Variants in MARCHF1 observed in about 807,000 individuals in gnomAD.
The protein encoded by MARCHF1 is membrane associated ring-CH-type finger 1.
A neutral mutation model predicts 54.2 loss-of-function variants in MARCHF1; 40 were observed. The ratio of observed to expected loss-of-function variants is 0.74; its 90% CI spans 0.57 to 0.96. The LOEUF (loss-of-function observed/expected upper bound fraction) is 0.96. MARCHF1 is among the 40% of genes least tolerant of loss of function. MARCHF1 has a pLI of 0.00. For synonymous variants in MARCHF1, 236 were observed against 236.3 expected (o/e 1.00, Z 0.01); for missense variants, 586 against 656.5 (o/e 0.89, Z 1.17).
chr4:163,616,411 A>C (rs1301302844), intron 5 of MARCHF1, among the ~76,000 whole-genome samples: 1 of 152,138 alleles, frequency 6.6e-6, no homozygotes, highest in Non-Finnish European at 1.5e-5. Flanking sequence ...TAACAGCAGT[A>C]ATAAGAATAA....
At chr4:164,215,616 C>A (rs983662774) in intron 1 of MARCHF1, among the ~76,000 whole-genome samples, 2 of 152,168 alleles carry the variant, frequency 1.3e-5, no homozygotes, top group African/African-American at 4.8e-5. Context: ...CCCTTCCCAG[C>A]ACATCCGTTC....
At chr4:164,273,345 C>G (rs529539639) in intron 1 of MARCHF1, among the ~76,000 whole-genome samples, 1 of 152,030 alleles carries the variant, frequency 6.6e-6, no homozygotes, top group Non-Finnish European at 1.5e-5. Context: ...AAGAAGAGCA[C>G]GGGGGAAACT....
chr4:163,840,084 A>AT (rs1749296423), intron 4 of MARCHF1, among the ~76,000 whole-genome samples: 1 of 152,170 alleles, frequency 6.6e-6, no homozygotes, highest in Non-Finnish European at 1.5e-5. Flanking sequence ...CTTTATGCTA[A>AT]TAAATTTGAC....
intron 1 of MARCHF1, among the ~76,000 whole-genome samples, chr4:164,325,768 A>G (rs906458971): frequency 2.6e-4 from 40 of 152,192 alleles, no homozygotes; most frequent in African/African-American, 8.9e-4. Flanking sequence ...CTCAAGAAAG[A>G]AAACCTAAAT....
intron 3 of MARCHF1, among the ~76,000 whole-genome samples, chr4:163,881,655 A>G (rs977220052): frequency 7.0e-6 from 1 of 142,824 alleles, no homozygotes; most frequent in African/African-American, 2.5e-5. Context: ...ACTAGAGCCA[A>G]TCTGGTTGGG....
intron 4 of MARCHF1, among the ~76,000 whole-genome samples, chr4:163,845,185 T>C (rs1749448483): frequency 6.6e-6 from 1 of 152,164 alleles, no homozygotes; most frequent in Non-Finnish European, 1.5e-5. Flanking sequence ...TGCCTTGATA[T>C]ATACATTTCT....
chr4:163,718,577 G>C (rs1049653001), intron 4 of MARCHF1, among the ~76,000 whole-genome samples: 1 of 152,146 alleles, frequency 6.6e-6, no homozygotes, highest in Non-Finnish European at 1.5e-5. Flanking sequence ...CATGTGTGTT[G>C]CTTTGTAATA....
At chr4:163,932,841 G>T in intron 3 of MARCHF1, 1 of 626,136 alleles carries the variant, frequency 1.6e-6, no homozygotes, top group Non-Finnish European at 3.1e-6. Flanking sequence ...AACAGCCAAT[G>T]CAACTAATCC....
At chr4:164,027,550 C>A (rs985502548) in intron 2 of MARCHF1, among the ~76,000 whole-genome samples, 1 of 151,660 alleles carries the variant, frequency 6.6e-6, no homozygotes, top group Non-Finnish European at 1.5e-5. Context: ...TAGCCATATG[C>A]AGAAGAATGA....
At chr4:164,011,178 T>C (rs1753412211) in intron 2 of MARCHF1, among the ~76,000 whole-genome samples, 1 of 152,058 alleles carries the variant, frequency 6.6e-6, no homozygotes, top group Non-Finnish European at 1.5e-5. Context: ...AAAAAAATCT[T>C]TGGGAACAGA....
At chr4:164,055,435 C>T (rs1319773223) in intron 2 of MARCHF1, among the ~76,000 whole-genome samples, 2 of 89,858 alleles carry the variant, frequency 2.2e-5, no homozygotes, top group Non-Finnish European at 5.4e-5. Context: ...GAGAGTGACA[C>T]CCTGTCTCAA....
chr4:163,670,945 G>A (rs1369995171), intron 5 of MARCHF1, among the ~76,000 whole-genome samples: 1 of 152,128 alleles, frequency 6.6e-6, no homozygotes, highest in African/African-American at 2.4e-5. Context: ...CTTTGACCAT[G>A]AGGATAGCTA....
chr4:163,688,562 C>A (rs139296207), intron 5 of MARCHF1, among the ~76,000 whole-genome samples: 294 of 152,208 alleles, frequency 1.9e-3, no homozygotes, highest in Non-Finnish European at 3.4e-3. Context: ...GATACAACCT[C>A]CAAACTACTA....
chr4:163,723,817 G>A (rs184020175), intron 4 of MARCHF1, among the ~76,000 whole-genome samples: 9 of 152,228 alleles, frequency 5.9e-5, no homozygotes, highest in Admixed American at 5.2e-4. Context: ...TGAACGAATC[G>A]GCTACTGAAG....
intron 1 of MARCHF1, among the ~76,000 whole-genome samples, chr4:164,240,065 G>A (rs906513728): frequency 6.6e-6 from 1 of 152,106 alleles, no homozygotes; most frequent in Non-Finnish European, 1.5e-5. Context: ...GACATAAACT[G>A]GACAAATGAA....
intron 2 of MARCHF1, among the ~76,000 whole-genome samples, chr4:164,020,177 G>A (rs1481759028): frequency 6.6e-6 from 1 of 152,110 alleles, no homozygotes; most frequent in African/African-American, 2.4e-5. Context: ...AGAGAGGAAA[G>A]CAAAAAGTCT....
At chr4:163,835,660 G>A (rs1749160184) in intron 4 of MARCHF1, among the ~76,000 whole-genome samples, 1 of 152,022 alleles carries the variant, frequency 6.6e-6, no homozygotes, top group Admixed American at 6.5e-5. Flanking sequence ...AGTTTACTCT[G>A]GCTCCGGAGG....
At chr4:163,531,992 AATATT>A (rs1216193205) in intron 9 of MARCHF1, among the ~76,000 whole-genome samples, 9 of 151,926 alleles carry the variant, frequency 5.9e-5, no homozygotes, top group African/African-American at 2.2e-4. Context: ...AGGGAGACTT[AATATT>A]ATATTATTAA....
chr4:163,628,105 T>C (rs953314814), intron 5 of MARCHF1, among the ~76,000 whole-genome samples: 8 of 152,086 alleles, frequency 5.3e-5, no homozygotes, highest in African/African-American at 9.6e-5. Context: ...ATTAAAAAAA[T>C]TGTTGTTTGA....
Sources: gnomAD v4.1 joint callset for allele counts (sites outside exome capture counted in the v4.1 genomes callset) on GRCh38, gnomAD v4.1.1 for gene constraint, MANE v1.5 for transcripts, NCBI Gene and HGNC (gene_info 2026-07-23, HGNC 2026-07-21) for gene names.